The following CLEC4C variants were observed in gnomAD, a reference collection of about 807,000 sequenced individuals.
The protein encoded by CLEC4C is C-type (calcium dependent, carbohydrate-recognition domain) lectin, superfamily member 11.
A neutral mutation model predicts 27.7 loss-of-function variants in CLEC4C; 17 were observed. The ratio of observed to expected loss-of-function variants is 0.61; its 90% CI spans 0.42 to 0.92. The LOEUF (loss-of-function observed/expected upper bound fraction) is 0.92, where lower values mean the gene tolerates loss of function less well. Ranked by LOEUF, CLEC4C falls within the 40% of genes least tolerant of loss-of-function variation. CLEC4C has a pLI of 0.00. For missense variants in CLEC4C, 244 were observed against 257.3 expected, an observed-to-expected ratio of 0.95 and a Z score of 0.35; for synonymous variants, 80 against 80.8, an observed-to-expected ratio of 0.99 and a Z score of 0.06.
intron 4 of CLEC4C, among the ~76,000 whole-genome samples, chr12:7,732,290 A>T (rs1210027035): frequency 6.6e-6 from 1 of 151,980 alleles, no homozygotes; most frequent in Non-Finnish European, 1.5e-5. Context: ...TAGGCCTCCC[A>T]AAGTGCTGGG....
rs547400642 is a variant in CLEC4C, at chr12:7,745,954, A to G, written c.124+377T>C. On this transcript the variant is annotated intron_variant, in intron 2 of 5. Coordinates refer to ENST00000360345, the MANE Select transcript of CLEC4C (RefSeq NM_001371390.1). ...AACGTGGCCGGGCGCGGTGGCTCACACCTGTAATCCCAGCACTTTGGGAGG... is the reference window on the plus strand; with the variant it reads ...AACGTGGCCGGGCGCGGTGGCTCACGCCTGTAATCCCAGCACTTTGGGAGG... Among the ~76,000 whole-genome samples, 90 of 151,630 alleles carry G rather than the reference A, an allele frequency of 5.9e-4. No individual in the cohort carries two copies. In the South Asian group the frequency reaches 9.3e-3, roughly 16 times the overall value.
chr12:7,746,301 G>C (rs368998147), intron 2 of CLEC4C, 30 bp downstream of exon 2: 32 of 1,266,266 alleles, frequency 2.5e-5, no homozygotes, highest in Middle Eastern at 1.9e-4. Flanking sequence ...AAAGGACCAA[G>C]AGATGACTGC....
intron 4 of CLEC4C, among the ~76,000 whole-genome samples, chr12:7,732,767 A>T (rs1864628355): frequency 6.7e-6 from 1 of 150,104 alleles, no homozygotes; most frequent in Non-Finnish European, 1.5e-5. Flanking sequence ...TCAAGACCAT[A>T]CTGGCTAACA....
At chr12:7,730,522 C>G (rs1864571280) in intron 5 of CLEC4C, among the ~76,000 whole-genome samples, 1 of 151,944 alleles carries the variant, frequency 6.6e-6, no homozygotes, top group Admixed American at 6.6e-5. Flanking sequence ...TGCCTGTAAT[C>G]CCAGCTACTC....
chr12:7,740,403 C>T (rs1339459803), intron 3 of CLEC4C, among the ~76,000 whole-genome samples: 1 of 151,772 alleles, frequency 6.6e-6, no homozygotes, highest in Non-Finnish European at 1.5e-5. Context: ...AGATGATAAG[C>T]AAAGAAAAAC....
chr12:7,733,442 T>G (rs1864645641), intron 4 of CLEC4C, among the ~76,000 whole-genome samples: 1 of 151,294 alleles, frequency 6.6e-6, no homozygotes, highest in South Asian at 2.1e-4. Context: ...TTTTGTATTT[T>G]TAGTAGAGAT....
At chr12:7,743,837 AC>A (rs143958591) in intron 2 of CLEC4C, among the ~76,000 whole-genome samples, 4,115 of 152,226 alleles carry the variant, frequency 0.027, 93 homozygotes, top group Non-Finnish European at 0.04. Context: ...AATACCTGAG[AC>A]TTGGTATTTA....
chr12:7,745,944 G>A (rs1032816731), intron 2 of CLEC4C, among the ~76,000 whole-genome samples: 10 of 151,866 alleles, frequency 6.6e-5, no homozygotes, highest in Non-Finnish European at 1.2e-4. Context: ...GGCCGGGCGC[G>A]GTGGCTCACA....
chr12:7,731,665 T>C (rs1864598332), intron 4 of CLEC4C, among the ~76,000 whole-genome samples: 1 of 152,188 alleles, frequency 6.6e-6, no homozygotes, highest in African/African-American at 2.4e-5. Context: ...CTTGTGAGCA[T>C]GATGTTTGGC....
At chr12:7,747,881 G>A (rs544139849), upstream of CLEC4C, among the ~76,000 whole-genome samples, 2 of 123,280 alleles carry the variant, frequency 1.6e-5, no homozygotes, top group African/African-American at 6.3e-5. Context: ...ACCTCCTGCC[G>A]TTGCACTCCA....
chr12:7,740,723 AAG>A (rs1301235329), intron 3 of CLEC4C, among the ~76,000 whole-genome samples: 2 of 151,614 alleles, frequency 1.3e-5, no homozygotes, highest in African/African-American at 4.8e-5. Context: ...AAAGAAAAGA[AAG>A]AAAAAAGAGA....
chr12:7,740,324 A>G (rs1203656413), intron 3 of CLEC4C, among the ~76,000 whole-genome samples: 1 of 152,078 alleles, frequency 6.6e-6, no homozygotes, highest in Admixed American at 6.6e-5. Context: ...TTTTCAGTTA[A>G]TCCAGAACTG....
intron 4 of CLEC4C, among the ~76,000 whole-genome samples, chr12:7,731,342 TAA>T (rs1482082280): frequency 6.6e-6 from 1 of 152,150 alleles, no homozygotes; most frequent in African/African-American, 2.4e-5. Flanking sequence ...AAGCCTCTGA[TAA>T]ACTCTCCCAC....
chr12:7,740,857 T>C (rs1488967279), intron 3 of CLEC4C, among the ~76,000 whole-genome samples: 1 of 148,182 alleles, frequency 6.7e-6, no homozygotes, highest in African/African-American at 2.5e-5. Flanking sequence ...ATTTTTTTTT[T>C]TGAGACGGAG....
Position 7,737,396 on chromosome 12 carries a change from G to C in CLEC4C, c.381+33C>G, listed in dbSNP as rs749504023. 5 of 1,511,058 alleles carry C rather than the reference G, an allele frequency of 3.3e-6. No individual in the cohort carries two copies. The South Asian group carries it at 5.0e-5, about 15-fold the overall frequency. The allele number at this position is 1,511,058 out of a possible 1,614,324, so 93.6% of individuals were successfully genotyped here. On this transcript the variant is annotated intron_variant, in intron 4 of 5. Transcript: ENST00000360345. Reference sequence around the variant, plus strand: ...TCTTTATCAGTTAAGAAAGGAAACAGATTAGCTGACCACCTTGCCTGTTAG... The same window carrying C: ...TCTTTATCAGTTAAGAAAGGAAACACATTAGCTGACCACCTTGCCTGTTAG...
At chr12:7,733,802 TG>T (rs1010836098) in intron 4 of CLEC4C, among the ~76,000 whole-genome samples, 1 of 151,954 alleles carries the variant, frequency 6.6e-6, no homozygotes, top group African/African-American at 2.4e-5. Context: ...CTTGAACTCC[TG>T]GCCTCAAGTG....
chr12:7,743,631 G>A (rs1280753560), intron 2 of CLEC4C, among the ~76,000 whole-genome samples: 2 of 151,680 alleles, frequency 1.3e-5, no homozygotes, highest in African/African-American at 2.4e-5. Context: ...CGTCCGCCTC[G>A]GCCTCCCAAA....
In CLEC4C at chr12:7,747,328, A is replaced by G. The variant is rs1174135439; in HGVS notation, c.21T>C (p.Pro7=). 2 of 1,614,022 alleles carry G rather than the reference A, an allele frequency of 1.2e-6. No individual in the cohort carries two copies. Among genetic ancestry groups the G allele is most frequent in the Admixed American group, 1.7e-5 (1 of 59,992 alleles). ...AAGATGAGTGCTTACCTCGGTCTTGAGGCTCTTCTTCAGGCACCATTGTGT... is the reference window on the plus strand; with the variant it reads ...AAGATGAGTGCTTACCTCGGTCTTGGGGCTCTTCTTCAGGCACCATTGTGT... MVPEEE[P]QDREKGLWWF... is the part of the protein sequence containing the mutation. Residue 7 remains proline, a synonymous_variant, in exon 1 of 6, where the codon CCT becomes CCC. Coordinates refer to ENST00000360345, the MANE Select transcript of CLEC4C (RefSeq NM_001371390.1).
At chr12:7,731,663 C>T (rs1864598204) in intron 4 of CLEC4C, among the ~76,000 whole-genome samples, 1 of 152,154 alleles carries the variant, frequency 6.6e-6, no homozygotes, top group African/African-American at 2.4e-5. Flanking sequence ...CACTTGTGAG[C>T]ATGATGTTTG....
Sources: allele counts gnomAD v4.1 joint callset (sites outside exome capture counted in the v4.1 genomes callset), GRCh38; gene constraint gnomAD v4.1.1; transcripts MANE v1.5; gene names NCBI Gene and HGNC (gene_info 2026-07-23, HGNC 2026-07-21).